RGSL1: variants seen among roughly 807,000 people sequenced by gnomAD.
RGSL1 encodes the protein regulator of G protein signaling like 1.
In RGSL1, 97 loss-of-function variants were observed where a neutral mutation model predicts 124.7. That is an observed-to-expected ratio of 0.78 (90% CI 0.66 to 0.92). The LOEUF (loss-of-function observed/expected upper bound fraction) is 0.92, where lower values mean the gene tolerates loss of function less well. Among genes scored for constraint, RGSL1 ranks in the 40% least tolerant of loss-of-function variants. The pLI is 0.00. For synonymous variants in RGSL1, 424 were observed against 438.1 expected (o/e 0.97, Z 0.40); for missense variants, 1,233 against 1,288.4 (o/e 0.96, Z 0.66).
At position 182,530,294 on chromosome 1, in the gene RGSL1, C is replaced by T. The variant is rs146321650; in HGVS notation, c.2176C>T (p.Arg726Cys). 1.0e-4 allele frequency: 160 copies of T among 1,551,024 alleles called. No homozygotes were observed. In the African/African-American group the frequency reaches 1.9e-3, roughly 18 times the overall value. The change falls in exon 12 of 22, where the codon CGT becomes TGT. Residue 726 changes from arginine to cysteine, a missense_variant. Arg to Cys is a radical substitution (Grantham distance 180). Transcript: ENST00000294854. ...TATTATCAAAGAAATCGCTTCCATG[C>T]GTCATGTCACCACAAGCACACTGTT... ...APIIKEIASM[R>C]HVTTSTLLTL...
At chr1:182,468,072 C>T (rs895993073) in intron 4 of RGSL1, among the ~76,000 whole-genome samples, 3 of 152,178 alleles carry the variant, frequency 2.0e-5, no homozygotes, top group Non-Finnish European at 4.4e-5. Context: ...AATGAGATAA[C>T]ATCTTACACT....
rs1441151532 is a variant in RGSL1, at chr1:182,510,453, G to C, written c.1826-11551G>C. Among the ~76,000 whole-genome samples, 5 of 45,476 alleles carry C rather than the reference G, an allele frequency of 1.1e-4. 1 individual carries two copies. The highest frequency in any genetic ancestry group is 2.5e-4 in the Non-Finnish European group (5 of 19,774). 29.8% of individuals were successfully genotyped at this position (45,476 alleles called of 152,430 possible). On this transcript the variant is annotated intron_variant, in intron 9 of 21. Transcript: ENST00000294854. ...GCACCTCGGGAGGCCAAGGCTGGCG[G>C]ATCACTCGCGGTTAGGGGCTGGAGA...
In RGSL1 at chr1:182,470,265, A is replaced by G. The variant is rs954189261; in HGVS notation, c.302-2131A>G. Among the ~76,000 whole-genome samples the G allele has an allele frequency of 5.3e-5, 8 of 152,174 alleles. 1 individual carries two copies. The highest frequency in any genetic ancestry group is 1.9e-4 in the East Asian group (1 of 5,184). ...GTCCCCACTGCTTCTCAACACCCCC[A>G]ATACTACCAATGACTCCTGTGTCAG... On this transcript the variant is annotated intron_variant, in intron 4 of 21. Transcript: ENST00000294854.
At chr1:182,497,115 G>A (rs1655974549) in intron 9 of RGSL1, among the ~76,000 whole-genome samples, 1 of 151,982 alleles carries the variant, frequency 6.6e-6, no homozygotes, top group African/African-American at 2.4e-5. Context: ...TATGTCAGAG[G>A]ATAGAAAAGT....
rs942077589 is a variant in RGSL1 at position 182,490,770 on chromosome 1, C to T, written c.1717+1568C>T. 5.3e-5 allele frequency among the ~76,000 whole-genome samples: 8 copies of T among 152,194 alleles called. 1 individual carries two copies. The highest frequency in any genetic ancestry group is 1.9e-4 in the African/African-American group (8 of 41,446). ...CTCTCCAAAGCACATATCATTACTT[C>T]CTCTATCACTGCTTTTTTGGAGCAC... On this transcript the variant is annotated intron_variant, in intron 8 of 21. Coordinates refer to ENST00000294854, the MANE Select transcript of RGSL1 (RefSeq NM_001137669.2).
chr1:182,541,841 T>G (rs1433422985), intron 15 of RGSL1, among the ~76,000 whole-genome samples: 2 of 152,154 alleles, frequency 1.3e-5, no homozygotes, highest in Non-Finnish European at 2.9e-5. Flanking sequence ...ATCTTAGCAG[T>G]TTTTCATATA....
intron 14 of RGSL1, among the ~76,000 whole-genome samples, chr1:182,536,375 T>C (rs1558404913): frequency 6.6e-6 from 1 of 152,242 alleles, no homozygotes; most frequent in Non-Finnish European, 1.5e-5. Flanking sequence ...ATTGCCAAGC[T>C]GTTTTCCAAA....
At chr1:182,550,824 T>C (rs11581400) in intron 17 of RGSL1, 112,133 of 416,328 alleles carry the variant, frequency 0.27, 16,050 homozygotes, top group South Asian at 0.36. Flanking sequence ...CTCAGGATAG[T>C]AGGCCCTTTA....
At chr1:182,464,501 A>G (rs1653111492) in intron 4 of RGSL1, among the ~76,000 whole-genome samples, 2 of 152,146 alleles carry the variant, frequency 1.3e-5, no homozygotes, top group Non-Finnish European at 2.9e-5. Flanking sequence ...TAGGGGGTGG[A>G]TCACCTCAGG....
At chr1:182,541,195 C>T (rs1659870300) in intron 15 of RGSL1, among the ~76,000 whole-genome samples, 1 of 152,146 alleles carries the variant, frequency 6.6e-6, no homozygotes, top group Non-Finnish European at 1.5e-5. Context: ...CTTACTTCTT[C>T]TATCTAACTG....
intron 4 of RGSL1, among the ~76,000 whole-genome samples, chr1:182,466,087 A>G (rs1370753088): frequency 6.6e-6 from 1 of 152,128 alleles, no homozygotes; most frequent in Non-Finnish European, 1.5e-5. Context: ...CAATAGATGC[A>G]GAAAAAGCAT....
chr1:182,523,111 T>C (rs1480289859), intron 10 of RGSL1, among the ~76,000 whole-genome samples: 1 of 151,900 alleles, frequency 6.6e-6, no homozygotes, highest in Non-Finnish European at 1.5e-5. Context: ...TCACAGCTCA[T>C]TGCAGCCTCG....
intron 9 of RGSL1, among the ~76,000 whole-genome samples, chr1:182,521,174 ATCT>A (rs1377988592): frequency 2.0e-5 from 3 of 152,274 alleles, no homozygotes; most frequent in East Asian, 3.9e-4. Flanking sequence ...GGCTCAACTG[ATCT>A]TCTTGCCTCA....
intron 4 of RGSL1, among the ~76,000 whole-genome samples, chr1:182,470,091 T>C (rs1014914257): frequency 2.0e-5 from 3 of 152,204 alleles, no homozygotes; most frequent in Non-Finnish European, 2.9e-5. Flanking sequence ...ATGGTCATGA[T>C]GGTTGTACAA....
At chr1:182,529,943 C>T (rs1659040619) in intron 11 of RGSL1, among the ~76,000 whole-genome samples, 1 of 152,146 alleles carries the variant, frequency 6.6e-6, no homozygotes, top group Admixed American at 6.6e-5. Flanking sequence ...TCTCTAAATC[C>T]AAGTTTTTCA....
chr1:182,450,481 GC>G, intron 1 of RGSL1: 1 of 442,628 alleles, frequency 2.3e-6, no homozygotes, highest in Non-Finnish European at 4.1e-6. Flanking sequence ...TTGAGATTAT[GC>G]AGTGATTTCA....
intron 15 of RGSL1, among the ~76,000 whole-genome samples, chr1:182,540,641 T>A (rs1037122990): frequency 6.6e-6 from 1 of 152,186 alleles, no homozygotes; most frequent in African/African-American, 2.4e-5. Context: ...GAAATTCCAC[T>A]GTTAAAATGC....
At chr1:182,495,719 T>A (rs1449766764) in intron 9 of RGSL1, among the ~76,000 whole-genome samples, 1 of 152,172 alleles carries the variant, frequency 6.6e-6, no homozygotes, top group Admixed American at 6.5e-5. Context: ...GGTCCATTCA[T>A]GAAACAGGTT....
chr1:182,540,186 G>T, intron 14 of RGSL1, 61 bp from the exon 15 acceptor site: 1 of 1,437,462 alleles, frequency 7.0e-7, no homozygotes, highest in African/African-American at 1.5e-5. Context: ...GTTATGCCCA[G>T]GTTGAGGGTA....
Sources: allele counts gnomAD v4.1 joint callset (sites outside exome capture counted in the v4.1 genomes callset), GRCh38; gene constraint gnomAD v4.1.1; transcripts MANE v1.5; gene names NCBI Gene and HGNC (gene_info 2026-07-23, HGNC 2026-07-21).